The following AGR3 variants were observed in gnomAD, a reference collection of about 807,000 sequenced individuals.
AGR3 encodes anterior gradient protein 3.
AGR3 carries 37 observed loss-of-function variants against 24.5 expected under a neutral mutation model. The observed-to-expected ratio is 1.51, with a 90% CI of 1.16 to 1.99. The LOEUF (loss-of-function observed/expected upper bound fraction) is 1.99. Among genes scored for constraint, AGR3 ranks in the 30% most tolerant of loss-of-function variants. AGR3 has a pLI of 0.00. For synonymous variants in AGR3, 75 were observed against 61.6 expected, an observed-to-expected ratio of 1.22 and a Z score of -1.02; for missense variants, 228 against 191.1, an observed-to-expected ratio of 1.19 and a Z score of -1.14.
At position 16,859,425 on chromosome 7, in the gene AGR3, A is replaced by C. The variant is rs1781598317; in HGVS notation, c.*157T>G. The C allele has an allele frequency of 3.5e-6, 2 of 573,970 alleles. No homozygotes were observed. Among genetic ancestry groups the C allele is most frequent in the Non-Finnish European group, 3.0e-6 (1 of 328,330 alleles). The allele number at this position is 573,970 out of a possible 1,614,324, so 35.6% of individuals were successfully genotyped here. Reference sequence around the variant, plus strand: ...ATATTGTCAGTCTCAGATTTAAAAAACATTTATTTTAATAAGACTATTGCA... The same window carrying C: ...ATATTGTCAGTCTCAGATTTAAAAACCATTTATTTTAATAAGACTATTGCA... On this transcript the variant is annotated 3_prime_UTR_variant, in exon 8 of 8. Coordinates refer to ENST00000310398, the MANE Select transcript of AGR3 (RefSeq NM_176813.5).
At chr7:16,858,309 A>G (rs1304368962), downstream of AGR3, among the ~76,000 whole-genome samples, 3 of 151,858 alleles carry the variant, frequency 2.0e-5, no homozygotes, top group Non-Finnish European at 4.4e-5. Context: ...AATATTTTCT[A>G]CCTTCTGATA....
intron 1 of AGR3, among the ~76,000 whole-genome samples, chr7:16,881,196 G>A (rs922738042): frequency 2.0e-5 from 3 of 152,100 alleles, no homozygotes; most frequent in Non-Finnish European, 2.9e-5. Context: ...TTAAAGCTGC[G>A]AAGCTTAGAG....
downstream of AGR3, among the ~76,000 whole-genome samples, chr7:16,857,523 A>G (rs1406219894): frequency 2.0e-5 from 3 of 152,196 alleles, no homozygotes; most frequent in Non-Finnish European, 4.4e-5. Flanking sequence ...TTATGCAACC[A>G]TGGAATCAGC....
intron 1 of AGR3, among the ~76,000 whole-genome samples, chr7:16,879,173 T>C (rs1439829507): frequency 6.6e-6 from 1 of 152,240 alleles, no homozygotes; most frequent in Non-Finnish European, 1.5e-5. Context: ...CTTCAGTTCC[T>C]TTATAGTTTC....
downstream of AGR3, among the ~76,000 whole-genome samples, chr7:16,858,378 T>A (rs1223293516): frequency 6.6e-6 from 1 of 152,186 alleles, no homozygotes; most frequent in Non-Finnish European, 1.5e-5. Flanking sequence ...TTGTTGCTGT[T>A]ATTTAAATAA....
At chr7:16,859,700 C>A in intron 7 of AGR3, 69 bp from the exon 8 acceptor site, 1 of 1,043,278 alleles carries the variant, frequency 9.6e-7, no homozygotes, top group Non-Finnish European at 1.4e-6. Context: ...TCTATTAACT[C>A]TAGAACCTGA....
Position 16,879,151 on chromosome 7 carries a change from A to C in AGR3, c.-27-506T>G, listed in dbSNP as rs1174124456. On this transcript the variant is annotated intron_variant, in intron 1 of 7. Transcript: ENST00000310398. Reference sequence around the variant, plus strand: ...AAATCAGAGGAAAAATAGAATATGGAGGATTCTTGTCCTTCAGTTCCTTTA... The same window carrying C: ...AAATCAGAGGAAAAATAGAATATGGCGGATTCTTGTCCTTCAGTTCCTTTA... Among the ~76,000 whole-genome samples the C allele has an allele frequency of 2.6e-5, 4 of 152,356 alleles. No homozygotes were observed. The East Asian group carries it at 7.7e-4, about 29-fold the overall frequency.
intron 3 of AGR3, among the ~76,000 whole-genome samples, chr7:16,871,672 G>T (rs1363179916): frequency 2.6e-5 from 4 of 152,044 alleles, no homozygotes; most frequent in Non-Finnish European, 5.9e-5. Flanking sequence ...GTGAAACCCT[G>T]TTTCTACTAA....
rs1335327586 is a variant in AGR3 at position 16,873,782 on chromosome 7, T to C, written c.171A>G (p.Lys57=). The C allele has an allele frequency of 2.5e-6, 4 of 1,610,226 alleles. No individual in the cohort carries two copies. The highest frequency in any genetic ancestry group is 3.4e-6 in the Non-Finnish European group (4 of 1,176,854). The change falls in exon 3 of 8, where the codon AAA becomes AAG. Residue 57 remains lysine (K), a splice_region_variant and synonymous_variant. Coordinates refer to ENST00000310398, the MANE Select transcript of AGR3 (RefSeq NM_176813.5). ...AAATGAGCTGAGAAGCATGTTACCT[T>C]TTTTGAGCATAAAAGAGACCTTCTT... ...TYEEGLFYAQ[K]SKKPLMVIHH...
intron 7 of AGR3, among the ~76,000 whole-genome samples, chr7:16,860,151 C>A (rs6978569): frequency 0.019 from 2,883 of 151,988 alleles, 92 homozygotes; most frequent in African/African-American, 0.066. Context: ...TGCTTATAGG[C>A]ATTAAAGAAA....
intron 2 of AGR3, among the ~76,000 whole-genome samples, chr7:16,876,155 G>A (rs1049939904): frequency 1.2e-4 from 19 of 152,106 alleles, no homozygotes; most frequent in African/African-American, 4.6e-4. Flanking sequence ...CTGTAGAAAA[G>A]CCATATTGCA....
chr7:16,861,913 AAAAAG>A (rs1388740200), intron 5 of AGR3, 66 bp downstream of exon 5: 23 of 1,398,386 alleles, frequency 1.6e-5, no homozygotes, highest in South Asian at 5.2e-5. Context: ...AAAAAAAAAA[AAAAAG>A]AAAAAAACGG....
At chr7:16,874,026 A>C (rs1477148799) in intron 2 of AGR3, among the ~76,000 whole-genome samples, 183 bp from the exon 3 acceptor site, 1 of 152,232 alleles carries the variant, frequency 6.6e-6, no homozygotes, top group East Asian at 1.9e-4. Context: ...TTTAGATTGC[A>C]GTACTGAGGT....
chr7:16,863,834 G>A (rs2115301607), intron 3 of AGR3, among the ~76,000 whole-genome samples: 1 of 151,574 alleles, frequency 6.6e-6, no homozygotes, highest in Middle Eastern at 3.4e-3. Flanking sequence ...ATTTACATTT[G>A]TACACTTATT....
rs959873388 is a variant in AGR3, at chr7:16,862,328, C to CT, written c.227-269dup. 6.6e-5 allele frequency among the ~76,000 whole-genome samples: 10 copies of CT among 152,238 alleles called. No individual in the cohort carries two copies. In the South Asian group the frequency reaches 1.5e-3, roughly 22 times the overall value. On this transcript the variant is annotated intron_variant, in intron 4 of 7. Transcript: ENST00000310398. ...ATTGACTCATTGGTTAAGACAACGA[C>CT]TTTTTTTCAGTGTTTCTACACCTTC...
chr7:16,880,339 T>G (rs1390387962), intron 1 of AGR3, among the ~76,000 whole-genome samples: 1 of 151,922 alleles, frequency 6.6e-6, no homozygotes, highest in African/African-American at 2.4e-5. Flanking sequence ...TTTTGTATTT[T>G]TAGTAGAGAT....
downstream of AGR3, among the ~76,000 whole-genome samples, chr7:16,859,217 G>A (rs1781594202): frequency 6.8e-6 from 1 of 147,520 alleles, no homozygotes. Context: ...GGGCAACATA[G>A]TGAGACTGCA....
At chr7:16,871,659 A>G (rs1174390241) in intron 3 of AGR3, among the ~76,000 whole-genome samples, 1 of 152,158 alleles carries the variant, frequency 6.6e-6, no homozygotes, top group Non-Finnish European at 1.5e-5. Flanking sequence ...CCTGGCCAAC[A>G]TGGTGAAACC....
intron 1 of AGR3, among the ~76,000 whole-genome samples, chr7:16,880,879 C>G (rs982668712): frequency 2.6e-5 from 4 of 152,060 alleles, no homozygotes; most frequent in African/African-American, 9.7e-5. Flanking sequence ...GGAACTAAAG[C>G]AACCACCTAG....
Sources: gnomAD v4.1 joint callset for allele counts (sites outside exome capture counted in the v4.1 genomes callset) on GRCh38, gnomAD v4.1.1 for gene constraint, MANE v1.5 for transcripts, NCBI Gene and HGNC (gene_info 2026-07-23, HGNC 2026-07-21) for gene names.